The following LCN6 variants were observed in gnomAD, a reference collection of about 807,000 sequenced individuals.
LCN6 encodes epididymal-specific lipocalin-6.
LCN6 carries 20 observed loss-of-function variants against 21.4 expected under a neutral mutation model. The observed-to-expected ratio is 0.93, with a 90% CI of 0.66 to 1.36. The LOEUF (loss-of-function observed/expected upper bound fraction) is 1.36. Among genes scored for constraint, LCN6 ranks in the 40% most tolerant of loss-of-function variants. The pLI is 0.00. For synonymous variants in LCN6, 96 were observed against 89.0 expected (o/e 1.08, Z -0.44); for missense variants, 217 against 206.6 (o/e 1.05, Z -0.31).
At chr9:136,747,684 A>AGCTC in intron 1 of LCN6, 121 bp from the exon 2 acceptor site, 2 of 667,536 alleles carry the variant, frequency 3.0e-6, no homozygotes, top group Non-Finnish European at 2.1e-6. Flanking sequence ...CCCTCCAACC[A>AGCTC]TCCAGCCCTC....
chr9:136,748,432 C>A lies in LCN6; in HGVS notation c.52G>T (p.Ala18Ser), dbSNP rs1319415093. The A allele has an allele frequency of 1.9e-6, 3 of 1,613,154 alleles. No homozygotes were observed. Among genetic ancestry groups the A allele is most frequent in the South Asian group, 1.1e-5 (1 of 91,028 alleles). The change falls in exon 1 of 7, where the codon GCC (alanine) becomes TCC (serine). Residue 18 changes from alanine (A) to serine (S), a missense_variant. Coordinates refer to ENST00000341206, the MANE Select transcript of LCN6 (RefSeq NM_198946.3). The part of the protein sequence containing the change: ...AFLALVSVPR[A>S]QAVWLGRLDP... Reference sequence around the variant, plus strand: ...AGTCTTCCCAACCACACGGCCTGGGCCCTGGGCACCGAGACCAAAGCCAGA... The same window carrying A: ...AGTCTTCCCAACCACACGGCCTGGGACCTGGGCACCGAGACCAAAGCCAGA...
chr9:136,745,081 G>A (rs1257233254), intron 4 of LCN6, 89 bp downstream of exon 4: 3 of 136,620 alleles, frequency 2.2e-5, no homozygotes, highest in East Asian at 3.3e-4. Flanking sequence ...GCCCCCAAGC[G>A]GCCCACGCAC....
At chr9:136,746,041 T>C (rs1329199406) in intron 2 of LCN6, 127 bp from the exon 3 acceptor site, 3 of 775,156 alleles carry the variant, frequency 3.9e-6, no homozygotes, top group Non-Finnish European at 6.6e-6. Flanking sequence ...TTCTGCCAGA[T>C]GCCCCGATGC....
At position 136,748,402 on chromosome 9, in the gene LCN6, G is replaced by A. The variant is rs766977056; in HGVS notation, c.82C>T (p.Pro28Ser). The A allele has an allele frequency of 2.5e-6, 4 of 1,612,348 alleles. No homozygotes were observed. The Admixed American group carries it at 6.7e-5, about 27-fold the overall frequency. ...AQAVWLGRLD[P>S]EQLLGPWYVL... ...CCCCAGGAGGACTGTACCTGCTCAG[G>A]GTCCAGTCTTCCCAACCACACGGCC... The change falls in exon 1 of 7, where the codon CCT becomes TCT. Residue 28 changes from proline to serine, a missense_variant. Physicochemically the swap from Pro to Ser is moderately conservative, Grantham distance 74. Transcript: ENST00000341206.
rs148851058 is a variant in LCN6 at position 136,748,424 on chromosome 9, G to A, written c.60C>T (p.Ala20=). 5.9e-5 allele frequency: 95 copies of A among 1,612,874 alleles called. No homozygotes were observed. Among genetic ancestry groups the A allele is most frequent in the East Asian group, 1.3e-4 (6 of 44,892 alleles). The part of the protein sequence containing the change: ...LALVSVPRAQ[A]VWLGRLDPEQ... ...CAGGGTCCAGTCTTCCCAACCACACGGCCTGGGCCCTGGGCACCGAGACCA... is the reference window on the plus strand; with the variant it reads ...CAGGGTCCAGTCTTCCCAACCACACAGCCTGGGCCCTGGGCACCGAGACCA... The change falls in exon 1 of 7, where the codon GCC becomes GCT. Residue 20 remains alanine (A), a synonymous_variant. Coordinates refer to ENST00000341206, the MANE Select transcript of LCN6 (RefSeq NM_198946.3).
At chr9:136,745,605 C>T (rs1847027213) in intron 3 of LCN6, 11 of 599,484 alleles carry the variant, frequency 1.8e-5, no homozygotes, top group Admixed American at 5.9e-5. Context: ...GCCCCTCGCC[C>T]TCTGCACCTA....
chr9:136,745,720 A>G lies in LCN6; in HGVS notation c.301+124T>C, dbSNP rs1178794516. On this transcript the variant is annotated intron_variant, in intron 3 of 6. Transcript: ENST00000341206. ...CACCCTCAGGATGGGCAGCAATCCCAAGACCAGAACCTGTAGCCTCCTGGC... is the reference window on the plus strand; with the variant it reads ...CACCCTCAGGATGGGCAGCAATCCCGAGACCAGAACCTGTAGCCTCCTGGC... 5 of 835,890 alleles carry G rather than the reference A, an allele frequency of 6.0e-6. No homozygotes were observed. In the African/African-American group the frequency reaches 6.8e-5, roughly 11 times the overall value. 51.8% of individuals were successfully genotyped at this position (835,890 alleles called of 1,614,324 possible). A position where few individuals can be genotyped will look rare whatever the true frequency, so the allele number is the denominator to read the frequency against.
chr9:136,745,958 G>A (rs953135438), intron 2 of LCN6, 44 bp from the exon 3 acceptor site: 32 of 1,569,440 alleles, frequency 2.0e-5, no homozygotes, highest in Non-Finnish European at 2.7e-5. Flanking sequence ...TCAAGACCCC[G>A]GGGCCCGGTG....
In LCN6 at chr9:136,744,072, C is replaced by T. The variant is rs551954332; in HGVS notation, c.*119G>A. ...GTGCTGGGCCCCGGGAGCCGCTGAG[C>T]GAGGTGGGTGGACACTGGCCGAGGT... On this transcript the variant is annotated 3_prime_UTR_variant, in exon 7 of 7. Transcript: ENST00000341206. The surrounding 1 kb of genome is among the most constrained non-coding windows in gnomAD (Gnocchi z 4.2). The T allele has an allele frequency of 1.9e-3, 294 of 152,470 alleles. 1 individual carries two copies. The highest frequency in any genetic ancestry group is 3.5e-3 in the Non-Finnish European group (236 of 68,174). The allele number at this position is 152,470 out of a possible 1,614,324, so 9.4% of individuals were successfully genotyped here. A position where few individuals can be genotyped will look rare whatever the true frequency, so the allele number is the denominator to read the frequency against.
At chr9:136,746,039 G>A in intron 2 of LCN6, 125 bp from the exon 3 acceptor site, 1 of 775,148 alleles carries the variant, frequency 1.3e-6, no homozygotes, top group Non-Finnish European at 2.2e-6. Flanking sequence ...TCTTCTGCCA[G>A]ATGCCCCGAT....
intron 2 of LCN6, chr9:136,746,875 T>A (rs986018954): frequency 6.6e-6 from 1 of 152,510 alleles, no homozygotes; most frequent in African/African-American, 2.4e-5. Flanking sequence ...CCTGTAGGTG[T>A]CCCCTGTGTA....
intron 3 of LCN6, 64 bp downstream of exon 3, chr9:136,745,780 G>T (rs1019701267): frequency 2.1e-6 from 3 of 1,450,828 alleles, no homozygotes; most frequent in East Asian, 2.3e-5. Flanking sequence ...GTCCCTGCCC[G>T]CAGGGGGCCT....
chr9:136,745,064 C>T (rs1449336845), intron 4 of LCN6, 106 bp downstream of exon 4: 4 of 990,598 alleles, frequency 4.0e-6, no homozygotes, highest in South Asian at 1.3e-5. Flanking sequence ...ACACAGCTCC[C>T]CACGCGGCCC....
rs770599438 is a variant in LCN6, at chr9:136,747,436, G to A, written c.218C>T (p.Ser73Phe). ...LTPENNLRTLSSQHGLGGCDQ... is the reference protein window; with the variant it reads ...LTPENNLRTLFSQHGLGGCDQ... Reference sequence around the variant, plus strand: ...CCCGCCCACTCACCCGTGCTGAGAGGACAGCGTCCGCAGGTTGTTTTCTGG... The same window carrying A: ...CCCGCCCACTCACCCGTGCTGAGAGAACAGCGTCCGCAGGTTGTTTTCTGG... Residue 73 changes from serine (S) to phenylalanine (F), a missense_variant, in exon 2 of 7, where the codon TCC becomes TTC. Ser to Phe is a radical substitution (Grantham distance 155). Transcript: ENST00000341206. The A allele has an allele frequency of 6.2e-7, 1 of 1,613,316 alleles. No individual in the cohort carries two copies. Among genetic ancestry groups the A allele is most frequent in the East Asian group, 2.2e-5 (1 of 44,888 alleles).
chr9:136,745,570 G>C, intron 3 of LCN6: 1 of 591,092 alleles, frequency 1.7e-6, no homozygotes, highest in Non-Finnish European at 3.0e-6. Flanking sequence ...GCCCAGCCCT[G>C]TACCTGTAGA....
At position 136,744,799 on chromosome 9, in the gene LCN6, G is replaced by A. The variant is rs529413827; in HGVS notation, c.413-58C>T. ...ACCTCTGAGAGCTGGGGAGGGGCCG[G>A]GGAGGGGCTGGGAAGGGTCAGGAAG... On this transcript the variant is annotated intron_variant, in intron 4 of 6. Transcript: ENST00000341206. This position sits in a 1 kb window ranked among gnomAD's most constrained non-coding sequence, Gnocchi z 4.2. 2.1e-4 allele frequency: 266 copies of A among 1,256,848 alleles called. 2 individuals are homozygous for A. The highest frequency in any genetic ancestry group is 2.2e-4 in the Non-Finnish European group (191 of 877,242). 77.9% of individuals were successfully genotyped at this position (1,256,848 alleles called of 1,614,324 possible).
At position 136,744,736 on chromosome 9, in the gene LCN6, T is replaced by C; in HGVS notation, c.418A>G (p.Thr140Ala). ...ATGGCCTCCTGGCTGGCTGTCTCCG[T>C]CAGACCTGGGGGCACCAGGGCAGTG... ...PFNTVELYSL[T>A]ETASQEAMGL... Residue 140 changes from threonine (T) to alanine (A), a missense_variant, in exon 5 of 7, where the codon ACG (threonine) becomes GCG (alanine). Transcript: ENST00000341206. This position sits in a 1 kb window ranked among gnomAD's most constrained non-coding sequence, Gnocchi z 4.2. The C allele has an allele frequency of 6.2e-7, 1 of 1,607,918 alleles. No homozygotes were observed. The highest frequency in any genetic ancestry group is 1.1e-5 in the South Asian group (1 of 90,454).
Position 136,748,456 on chromosome 9 carries a change from G to A in LCN6, c.28C>T (p.Leu10=), listed in dbSNP as rs1024531267. 28 of 1,613,154 alleles carry A rather than the reference G, an allele frequency of 1.7e-5. No individual in the cohort carries two copies. Among genetic ancestry groups the A allele is most frequent in the Non-Finnish European group, 2.2e-5 (26 of 1,179,958 alleles). Residue 10 remains leucine (L), a synonymous_variant, in exon 1 of 7, where the codon CTG becomes TTG. Coordinates refer to ENST00000341206, the MANE Select transcript of LCN6 (RefSeq NM_198946.3). MGGLLLAAF[L]ALVSVPRAQA... is the part of the protein sequence containing the mutation. ...GCCCTGGGCACCGAGACCAAAGCCAGAAAAGCAGCCAGCAGCAGGCCGCCC... is the reference window on the plus strand; with the variant it reads ...GCCCTGGGCACCGAGACCAAAGCCAAAAAAGCAGCCAGCAGCAGGCCGCCC...
rs12342559 is a variant in LCN6 at position 136,747,280 on chromosome 9, G to T, written c.230+144C>A. On this transcript the variant is annotated intron_variant, in intron 2 of 6. Transcript: ENST00000341206. ...CAGAGGGCTGGTGGCTCTGCACAGA[G>T]CCCAGTGGGAAAAGTGACGGGGGTG... The T allele has an allele frequency of 5.1e-3, 4,689 of 917,442 alleles. 151 individuals are homozygous for T. The African/African-American group carries it at 0.065, about 13-fold the overall frequency. 56.8% of individuals were successfully genotyped at this position (917,442 alleles called of 1,614,324 possible).
Sources: allele counts gnomAD v4.1 joint callset, GRCh38; gene constraint gnomAD v4.1.1; non-coding constraint Gnocchi (gnomAD v3.1); transcripts MANE v1.5; gene names NCBI Gene and HGNC (gene_info 2026-07-23, HGNC 2026-07-21).